Variants in RFX8 observed in about 807,000 individuals in gnomAD.
RFX8 encodes regulatory factor X8, also known as DNA-binding protein RFX8.
In RFX8, 46 loss-of-function variants were observed where a neutral mutation model predicts 54.6. The ratio of observed to expected loss-of-function variants is 0.84; its 90% CI spans 0.67 to 1.08. The LOEUF is 1.08. Ranked by LOEUF, RFX8 falls within the 50% of genes least tolerant of loss-of-function variation. The probability of loss-of-function intolerance (pLI) is 0.00; values close to 1 mark genes in which losing one functional copy is unlikely to be tolerated. For missense variants in RFX8, 536 were observed against 562.3 expected (o/e 0.95, Z 0.47); for synonymous variants, 192 against 209.5 (o/e 0.92, Z 0.72).
intron 1 of RFX8, 124 bp from the exon 2 acceptor site, chr2:101,467,024 G>A (rs1689610814): frequency 1.6e-6 from 1 of 628,738 alleles, no homozygotes; most frequent in Admixed American, 2.7e-5. Context: ...CTAATTTATT[G>A]GATGAATCCC....
chr2:101,426,805 T>C (rs1028557392), intron 2 of RFX8, among the ~76,000 whole-genome samples: 5 of 152,172 alleles, frequency 3.3e-5, no homozygotes, highest in Admixed American at 2.6e-4. Flanking sequence ...CCTGGGTTAC[T>C]CCATCAATTC....
At chr2:101,416,272 C>T (rs1030565275) in intron 6 of RFX8, among the ~76,000 whole-genome samples, 4 of 152,114 alleles carry the variant, frequency 2.6e-5, no homozygotes, top group East Asian at 1.9e-4. Context: ...GGCTTGAATT[C>T]GGGCAGATGT....
At chr2:101,454,876 T>C (rs949741808) in intron 2 of RFX8, among the ~76,000 whole-genome samples, 2 of 152,244 alleles carry the variant, frequency 1.3e-5, no homozygotes, top group African/African-American at 4.8e-5. Flanking sequence ...TAGTTTCTTT[T>C]GCTGTGCAGA....
chr2:101,418,433 GACCCTCCAAATACA>G (rs1298762859), intron 5 of RFX8, among the ~76,000 whole-genome samples: 22 of 152,118 alleles, frequency 1.4e-4, no homozygotes, highest in African/African-American at 5.3e-4. Context: ...ATATAAACCT[GACCCTCCAAATACA>G]ACCCTCCAAA....
At chr2:101,423,408 T>C (rs886107502) in intron 2 of RFX8, among the ~76,000 whole-genome samples, 2 of 152,178 alleles carry the variant, frequency 1.3e-5, no homozygotes, top group Admixed American at 6.5e-5. Flanking sequence ...GGGCTCCTCC[T>C]GGTCTGAATA....
intron 2 of RFX8, chr2:101,428,954 A>C: frequency 6.6e-7 from 1 of 1,516,244 alleles, no homozygotes; most frequent in Non-Finnish European, 8.9e-7. Flanking sequence ...ATTAACACTC[A>C]CTGTTGCTTC....
intron 2 of RFX8, among the ~76,000 whole-genome samples, chr2:101,459,657 G>A (rs2148984756): frequency 6.6e-6 from 1 of 152,278 alleles, no homozygotes; most frequent in South Asian, 2.1e-4. Flanking sequence ...GATGCAACTG[G>A]GAGGTGTCTC....
At chr2:101,429,057 A>G (rs533473097) in intron 2 of RFX8, 1 of 1,294,466 alleles carries the variant, frequency 7.7e-7, no homozygotes, top group East Asian at 2.5e-5. Context: ...AATTTTAGCA[A>G]GACACCTGTC....
At chr2:101,399,333 G>GT (rs942445546) in intron 11 of RFX8, among the ~76,000 whole-genome samples, 1 of 152,200 alleles carries the variant, frequency 6.6e-6, no homozygotes, top group Non-Finnish European at 1.5e-5. Flanking sequence ...TCAGATGAGC[G>GT]TAACTTTTTG....
chr2:101,444,601 C>T (rs1325152493), intron 2 of RFX8, among the ~76,000 whole-genome samples: 1 of 152,144 alleles, frequency 6.6e-6, no homozygotes, highest in Non-Finnish European at 1.5e-5. Flanking sequence ...TATAAAAATG[C>T]TCCAACAAAT....
chr2:101,419,949 C>T (rs932685621), intron 4 of RFX8, among the ~76,000 whole-genome samples: 1 of 152,204 alleles, frequency 6.6e-6, no homozygotes, highest in Non-Finnish European at 1.5e-5. Flanking sequence ...TCTCTGCTCA[C>T]CCCTCACCAC....
intron 2 of RFX8, among the ~76,000 whole-genome samples, chr2:101,453,475 T>C (rs1349280195): frequency 5.3e-5 from 8 of 151,882 alleles, no homozygotes; most frequent in African/African-American, 2.4e-5. Context: ...CCGTCTCTAC[T>C]AAAAATACAA....
intron 2 of RFX8, among the ~76,000 whole-genome samples, chr2:101,446,693 C>T (rs61381143): frequency 0.055 from 8,369 of 151,886 alleles, 369 homozygotes; most frequent in East Asian, 0.21. Flanking sequence ...GTCCCCGGGA[C>T]GCTAATGGTC....
At chr2:101,437,137 GC>G (rs1687823285) in intron 2 of RFX8, among the ~76,000 whole-genome samples, 1 of 152,110 alleles carries the variant, frequency 6.6e-6, no homozygotes, top group Non-Finnish European at 1.5e-5. Flanking sequence ...AGATTTACAT[GC>G]AGTTGTAAGA....
intron 2 of RFX8, among the ~76,000 whole-genome samples, chr2:101,457,494 C>G (rs1364264508): frequency 6.6e-6 from 1 of 152,182 alleles, no homozygotes; most frequent in Non-Finnish European, 1.5e-5. Context: ...GCAGGTTGTT[C>G]AGTTTCCATG....
intron 11 of RFX8, among the ~76,000 whole-genome samples, chr2:101,398,790 T>C (rs1254634687): frequency 6.6e-6 from 1 of 152,192 alleles, no homozygotes; most frequent in East Asian, 1.9e-4. Flanking sequence ...ATTTCATCAA[T>C]AAACCTCCTA....
chr2:101,466,833 C>T lies in RFX8; in HGVS notation c.16G>A (p.Val6Met), dbSNP rs371383581. The T allele has an allele frequency of 1.1e-4, 164 of 1,551,532 alleles. No homozygotes were observed. The highest frequency in any genetic ancestry group is 7.2e-4 in the African/African-American group (53 of 73,156). ...TCAGTGTTTTGCCCACAGGTCTCCA[C>T]GTAAATCTCATACATGAGACAGCGA... MYEIY[V>M]ETCGQNTENQ... Residue 6 changes from valine (V) to methionine (M), a missense_variant, in exon 2 of 12, where the codon GTG becomes ATG. Transcript: ENST00000428343.
chr2:101,442,991 G>A (rs538208669), intron 2 of RFX8, among the ~76,000 whole-genome samples: 16 of 152,000 alleles, frequency 1.1e-4, no homozygotes, highest in East Asian at 1.9e-4. Context: ...GTAGAAAAGG[G>A]GTGTCTCAGA....
intron 2 of RFX8, among the ~76,000 whole-genome samples, chr2:101,448,736 T>C (rs1333918183): frequency 1.3e-5 from 2 of 152,246 alleles, no homozygotes; most frequent in South Asian, 2.1e-4. Flanking sequence ...GGATGCTTTA[T>C]ACCAAAGGTG....
Sources: gnomAD v4.1 joint callset for allele counts (sites outside exome capture counted in the v4.1 genomes callset) on GRCh38, gnomAD v4.1.1 for gene constraint, MANE v1.5 for transcripts, NCBI Gene and HGNC (gene_info 2026-07-23, HGNC 2026-07-21) for gene names.